Variants in TENM4 observed in about 807,000 individuals in gnomAD.
The protein encoded by TENM4 is teneurin-4.
Under a neutral mutation model 243.3 loss-of-function variants are expected in TENM4, and 82 were observed. The observed-to-expected ratio is 0.34, with a 90% CI of 0.28 to 0.40. TENM4 has a LOEUF of 0.40. Ranked by LOEUF, TENM4 falls within the 10% of genes least tolerant of loss-of-function variation. TENM4 has a pLI of 1.00. For missense variants in TENM4, 3,138 were observed against 3,673.3 expected, an observed-to-expected ratio of 0.85 and a Z score of 3.77; for synonymous variants, 1,412 against 1,456.3, an observed-to-expected ratio of 0.97 and a Z score of 0.69.
chr11:79,237,988 C>T (rs942405962), intron 2 of TENM4, among the ~76,000 whole-genome samples: 13 of 152,166 alleles, frequency 8.5e-5, no homozygotes, highest in East Asian at 1.9e-4. Context: ...CTACAGCCAC[C>T]GAGCTGCTAA....
chr11:79,304,399 G>A (rs772656030), intron 1 of TENM4, among the ~76,000 whole-genome samples: 1 of 152,180 alleles, frequency 6.6e-6, no homozygotes, highest in Non-Finnish European at 1.5e-5. Flanking sequence ...TGAGTTGCTT[G>A]CATTGCCACT....
intron 4 of TENM4, among the ~76,000 whole-genome samples, chr11:79,106,811 A>G (rs1028942758): frequency 6.6e-6 from 1 of 152,232 alleles, no homozygotes; most frequent in Non-Finnish European, 1.5e-5. Flanking sequence ...GCCTGTTGGT[A>G]ACTTTACCTC....
intron 6 of TENM4, among the ~76,000 whole-genome samples, chr11:78,992,513 C>T (rs193152035): frequency 1.1e-4 from 17 of 152,316 alleles, no homozygotes; most frequent in East Asian, 3.9e-4. Context: ...TAAAAGAGCA[C>T]GGGCACTCAG....
chr11:79,315,790 T>C (rs760164916), intron 1 of TENM4, among the ~76,000 whole-genome samples: 2 of 151,936 alleles, frequency 1.3e-5, no homozygotes, highest in Non-Finnish European at 2.9e-5. Flanking sequence ...ACTTAGAACA[T>C]CCAAAAGAGA....
At chr11:78,666,968 C>G (rs761578792) in intron 32 of TENM4, among the ~76,000 whole-genome samples, 1 of 152,040 alleles carries the variant, frequency 6.6e-6, no homozygotes, top group Non-Finnish European at 1.5e-5. Flanking sequence ...TAGAAAAGTA[C>G]ATTTCCTATT....
chr11:79,119,430 T>C (rs1046792346), intron 4 of TENM4, among the ~76,000 whole-genome samples: 2 of 152,076 alleles, frequency 1.3e-5, no homozygotes, highest in Non-Finnish European at 1.5e-5. Context: ...CTTCAGGTCA[T>C]TGATTTATAA....
chr11:78,933,352 G>T (rs1237985460), intron 6 of TENM4, among the ~76,000 whole-genome samples: 15 of 152,152 alleles, frequency 9.9e-5, no homozygotes, highest in Non-Finnish European at 4.4e-5. Context: ...TACAACACAC[G>T]TGAAGGAGTG....
At chr11:79,202,755 C>T (rs577205868) in intron 3 of TENM4, among the ~76,000 whole-genome samples, 2 of 152,272 alleles carry the variant, frequency 1.3e-5, no homozygotes, top group African/African-American at 4.8e-5. Context: ...TTCACTCACA[C>T]ACAGCTTAGC....
At chr11:78,696,173 C>G (rs1254281887) in intron 28 of TENM4, among the ~76,000 whole-genome samples, 2 of 152,058 alleles carry the variant, frequency 1.3e-5, no homozygotes. Context: ...GAGAGAGCAG[C>G]CCATCAAAGG....
At chr11:79,391,144 G>A (rs542285437) in intron 1 of TENM4, among the ~76,000 whole-genome samples, 8 of 152,288 alleles carry the variant, frequency 5.3e-5, no homozygotes, top group East Asian at 1.9e-4. Context: ...ACCTGATAGT[G>A]TAGTCATGAA....
intron 12 of TENM4, among the ~76,000 whole-genome samples, chr11:78,825,947 T>C (rs1392661729): frequency 2.4e-4 from 36 of 152,072 alleles, no homozygotes; most frequent in Admixed American, 2.4e-3. Flanking sequence ...TGACAGACAA[T>C]GCAGGAAAAG....
intron 2 of TENM4, among the ~76,000 whole-genome samples, chr11:79,243,012 T>C (rs1855451014): frequency 6.6e-6 from 1 of 152,176 alleles, no homozygotes; most frequent in African/African-American, 2.4e-5. Context: ...AGGGTTTTCA[T>C]TCCTCTAGTG....
intron 9 of TENM4, among the ~76,000 whole-genome samples, chr11:78,864,109 T>C (rs1858896692): frequency 6.6e-6 from 1 of 152,142 alleles, no homozygotes. Context: ...ATGTATAAAA[T>C]ATTTCTGGTA....
At chr11:79,281,369 C>A (rs1179806191) in intron 2 of TENM4, among the ~76,000 whole-genome samples, 1 of 152,172 alleles carries the variant, frequency 6.6e-6, no homozygotes, top group Non-Finnish European at 1.5e-5. Flanking sequence ...TAGCTCCCAA[C>A]ATTGATAGTC....
intron 3 of TENM4, among the ~76,000 whole-genome samples, chr11:79,209,876 T>C (rs2135212071): frequency 6.6e-6 from 1 of 152,348 alleles, no homozygotes; most frequent in East Asian, 1.9e-4. Flanking sequence ...ATCAGCTATA[T>C]GTCCTTCTCT....
chr11:78,739,619 A>G (rs148507258), intron 19 of TENM4, among the ~76,000 whole-genome samples: 27 of 152,234 alleles, frequency 1.8e-4, no homozygotes, highest in Non-Finnish European at 3.5e-4. Context: ...ATCATCTAGA[A>G]TGGTGGCTTT....
intron 3 of TENM4, among the ~76,000 whole-genome samples, chr11:79,162,663 G>T (rs1862776247): frequency 6.6e-6 from 1 of 152,132 alleles, no homozygotes; most frequent in Non-Finnish European, 1.5e-5. Context: ...GCAAGCTCTG[G>T]ACAGCCTTCG....
At chr11:79,381,839 G>A (rs974154922) in intron 1 of TENM4, among the ~76,000 whole-genome samples, 1 of 152,018 alleles carries the variant, frequency 6.6e-6, no homozygotes, top group South Asian at 2.1e-4. Flanking sequence ...CAGTGAGTAA[G>A]TGGCAGAGGC....
chr11:79,018,531 T>C (rs1858838809), intron 6 of TENM4, among the ~76,000 whole-genome samples: 1 of 152,044 alleles, frequency 6.6e-6, no homozygotes, highest in Non-Finnish European at 1.5e-5. Flanking sequence ...TGATTATTTA[T>C]AATGTGGCAG....
Sources: allele counts gnomAD v4.1 joint callset (sites outside exome capture counted in the v4.1 genomes callset), GRCh38; gene constraint gnomAD v4.1.1; transcripts MANE v1.5; gene names NCBI Gene and HGNC (gene_info 2026-07-23, HGNC 2026-07-21).